Variants in PCDH15 observed in about 807,000 individuals in gnomAD.
PCDH15 encodes protocadherin-15.
PCDH15 carries 129 observed loss-of-function variants against 178.5 expected under a neutral mutation model. The observed-to-expected ratio is 0.72, with a 90% CI of 0.63 to 0.84. PCDH15 has a LOEUF of 0.84. PCDH15 is among the 40% of genes least tolerant of loss of function. PCDH15 has a pLI of 0.00. For missense variants in PCDH15, 2,230 were observed against 2,099.9 expected (o/e 1.06, Z -1.21); for synonymous variants, 800 against 732.0 (o/e 1.09, Z -1.50).
At chr10:54,565,726 T>C (rs535092501) in intron 2 of PCDH15, among the ~76,000 whole-genome samples, 32 of 152,346 alleles carry the variant, frequency 2.1e-4, no homozygotes, top group African/African-American at 7.2e-4. Context: ...TCGTGTTTTC[T>C]TTTATGCAGA....
intron 1 of PCDH15, among the ~76,000 whole-genome samples, chr10:55,251,088 G>A (rs1841824707): frequency 6.6e-6 from 1 of 151,836 alleles, no homozygotes; most frequent in Admixed American, 6.6e-5. Context: ...GTAAAAACTT[G>A]CAAAAATTAT....
chr10:54,804,948 T>TATATATATATATATATATACAC (rs905516559), upstream of PCDH15, among the ~76,000 whole-genome samples: 1 of 127,244 alleles, frequency 7.9e-6, no homozygotes, highest in Non-Finnish European at 1.7e-5. Context: ...TATATATATA[T>TATATATATATATATATATACAC]ACAGAGTTTG....
At chr10:54,483,619 C>T (rs1279739698) in intron 3 of PCDH15, among the ~76,000 whole-genome samples, 1 of 151,578 alleles carries the variant, frequency 6.6e-6, no homozygotes, top group Admixed American at 6.6e-5. Flanking sequence ...GTGATAGGAT[C>T]GCAGGTGATA....
intron 17 of PCDH15, among the ~76,000 whole-genome samples, chr10:54,071,269 C>T (rs1391823658): frequency 2.6e-5 from 4 of 152,040 alleles, no homozygotes; most frequent in Non-Finnish European, 5.9e-5. Context: ...TTCTGATTAG[C>T]ATATGTTTAG....
intron 2 of PCDH15, among the ~76,000 whole-genome samples, chr10:55,152,823 G>T (rs1838769726): frequency 6.6e-6 from 1 of 152,042 alleles, no homozygotes; most frequent in Admixed American, 6.6e-5. Flanking sequence ...TAAATTCAAT[G>T]ACTATATCAT....
intron 2 of PCDH15, among the ~76,000 whole-genome samples, chr10:54,901,427 G>A (rs1168563523): frequency 3.3e-5 from 5 of 152,212 alleles, no homozygotes; most frequent in South Asian, 2.1e-4. Flanking sequence ...TATTGCTTTC[G>A]AATGTAGATT....
At position 53,823,118 on chromosome 10, in the gene PCDH15, TACTTG is replaced by T. The variant is rs771473483; in HGVS notation, c.4368-2893_4368-2889del. On this transcript the variant is annotated intron_variant, in intron 32 of 37. Coordinates refer to ENST00000644397, the MANE Select transcript of PCDH15 (RefSeq NM_001384140.1). The stretch of plus-strand genomic sequence containing the variant: ...TCTGTGAAATGTCTGAATTTGTTGA[TACTTG>T]ACTTATGTTTTCCTTATAAAGGGGA... 1.6e-5 allele frequency: 26 copies of T among 1,613,954 alleles called. No individual in the cohort carries two copies. Among genetic ancestry groups the T allele is most frequent in the Admixed American group, 3.3e-5 (2 of 59,988 alleles).
intron 2 of PCDH15, among the ~76,000 whole-genome samples, chr10:54,654,642 A>G (rs1395489701): frequency 6.6e-6 from 1 of 151,920 alleles, no homozygotes; most frequent in East Asian, 1.9e-4. Context: ...CTAAAGAAAA[A>G]CTCTATTATG....
At chr10:54,358,195 C>A (rs370102564) in intron 5 of PCDH15, among the ~76,000 whole-genome samples, 41,659 of 148,594 alleles carry the variant, frequency 0.28, 7,302 homozygotes, top group Non-Finnish European at 0.4. Context: ...AGCTTCTGCA[C>A]AGCAAAAGAA....
chr10:53,887,379 C>A (rs2133411997), intron 26 of PCDH15, among the ~76,000 whole-genome samples: 1 of 152,182 alleles, frequency 6.6e-6, no homozygotes, highest in East Asian at 1.9e-4. Context: ...TAGCTTATCC[C>A]CTTTTGTCAG....
At chr10:54,660,682 T>A (rs1233960116) in intron 2 of PCDH15, among the ~76,000 whole-genome samples, 1 of 151,960 alleles carries the variant, frequency 6.6e-6, no homozygotes. Flanking sequence ...CAGGCCAATA[T>A]CCCTGATGAA....
intron 2 of PCDH15, among the ~76,000 whole-genome samples, chr10:55,528,348 G>A (rs1342073007): frequency 6.6e-6 from 1 of 151,754 alleles, no homozygotes; most frequent in South Asian, 2.1e-4. Flanking sequence ...TTTACATTAG[G>A]CATATCTCCT....
In PCDH15 at chr10:54,795,010, A is replaced by T. The variant is rs1026383173; in HGVS notation, c.-29+5915T>A. 1.4e-4 allele frequency among the ~76,000 whole-genome samples: 21 copies of T among 151,852 alleles called. 1 individual carries two copies. Among genetic ancestry groups the T allele is most frequent in the Admixed American group, 1.2e-3 (18 of 15,224 alleles). ...CTCTTTATTTATCATAATCTGCCTT[A>T]TAGCTAGGGATAGCCTTAGTACTTT... On this transcript the variant is annotated intron_variant, in intron 1 of 37. Transcript: ENST00000644397.
At position 54,710,932 on chromosome 10, in the gene PCDH15, TTAA is replaced by T. The variant is rs377608085; in HGVS notation, c.-28-46645_-28-46643del. On this transcript the variant is annotated intron_variant, in intron 1 of 37. Transcript: ENST00000644397. ...ACTTTTGAGGGTGAGAGCGGTATTG[TTAA>T]TAATAATGCAGCAGGCATAAACCGG... Among the ~76,000 whole-genome samples, 566 of 152,070 alleles carry T rather than the reference TTAA, an allele frequency of 3.7e-3. 2 individuals carry two copies. The highest frequency in any genetic ancestry group is 5.9e-3 in the Non-Finnish European group (404 of 67,916).
chr10:55,457,057 T>C (rs1839569770), intron 2 of PCDH15, among the ~76,000 whole-genome samples: 1 of 152,070 alleles, frequency 6.6e-6, no homozygotes, highest in African/African-American at 2.4e-5. Context: ...TAGAATTACA[T>C]GAGCTGAGCA....
chr10:54,686,029 G>A (rs1244318827), intron 1 of PCDH15, among the ~76,000 whole-genome samples: 1 of 146,884 alleles, frequency 6.8e-6, no homozygotes, highest in Admixed American at 6.8e-5. Flanking sequence ...ATCCAAGGGA[G>A]CAAGACAGCC....
chr10:54,237,996 A>G (rs529337991), intron 8 of PCDH15, among the ~76,000 whole-genome samples: 1 of 152,262 alleles, frequency 6.6e-6, no homozygotes, highest in African/African-American at 2.4e-5. Flanking sequence ...ATGCCTTTAG[A>G]ACACAGTTTG....
In PCDH15 at chr10:54,764,820, C is replaced by T. The variant is rs372033578; in HGVS notation, c.-29+36105G>A. 1.1e-4 allele frequency among the ~76,000 whole-genome samples: 16 copies of T among 152,030 alleles called. No homozygotes were observed. In the East Asian group the frequency reaches 2.7e-3, roughly 26 times the overall value. ...AAGTGAGAAAGGGCAATGCGTAAGG[C>T]AAAATAAATGAGATAAGAAGCAACT... On this transcript the variant is annotated intron_variant, in intron 1 of 37. Coordinates refer to ENST00000644397, the MANE Select transcript of PCDH15 (RefSeq NM_001384140.1).
At chr10:54,145,345 T>A (rs1222013455) in intron 14 of PCDH15, among the ~76,000 whole-genome samples, 6 of 152,090 alleles carry the variant, frequency 3.9e-5, no homozygotes, top group Admixed American at 3.9e-4. Context: ...ATTTCTAGCT[T>A]ATTTCTAAGA....
Sources: allele counts gnomAD v4.1 joint callset (sites outside exome capture counted in the v4.1 genomes callset), GRCh38; gene constraint gnomAD v4.1.1; transcripts MANE v1.5; gene names NCBI Gene and HGNC (gene_info 2026-07-23, HGNC 2026-07-21).